COL9A3: variants seen among roughly 807,000 people sequenced by gnomAD.
COL9A3 encodes the protein collagen type IX alpha 3 chain.
In COL9A3, 82 loss-of-function variants were observed where a neutral mutation model predicts 110.2. That is an observed-to-expected ratio of 0.74 (90% CI 0.62 to 0.89). The LOEUF (loss-of-function observed/expected upper bound fraction) is 0.89. Among genes scored for constraint, COL9A3 ranks in the 40% least tolerant of loss-of-function variants. COL9A3 has a pLI of 0.00. For missense variants in COL9A3, 1,066 were observed against 981.3 expected (o/e 1.09, Z -1.15); for synonymous variants, 494 against 403.8 (o/e 1.22, Z -2.68).
chr20:62,830,022 G>C (rs1009068454), intron 22 of COL9A3, among the ~76,000 whole-genome samples: 7 of 152,178 alleles, frequency 4.6e-5, no homozygotes, highest in African/African-American at 1.4e-4. Flanking sequence ...GAGCTGCCCT[G>C]TTTTCAAGCC....
chr20:62,837,814 GA>G (rs550050313), intron 30 of COL9A3, among the ~76,000 whole-genome samples: 1,698 of 141,906 alleles, frequency 0.012, 10 homozygotes, highest in Middle Eastern at 0.062. Flanking sequence ...CTCCATAAAA[GA>G]AAAAAAAAAT....
intron 11 of COL9A3, 41 bp downstream of exon 11, chr20:62,824,542 TG>T: frequency 6.4e-7 from 1 of 1,555,346 alleles, no homozygotes. Flanking sequence ...CACCCTGTGC[TG>T]GGCAGGAGGC....
chr20:62,818,090 CAGG>C (rs1040613521), intron 2 of COL9A3, among the ~76,000 whole-genome samples: 4 of 152,106 alleles, frequency 2.6e-5, no homozygotes, highest in Non-Finnish European at 4.4e-5. Context: ...GGCCAAGCAG[CAGG>C]AGGAGGCGGC....
At chr20:62,825,911 A>G (rs2063548659) in intron 13 of COL9A3, 41 bp downstream of exon 13, 2 of 1,543,698 alleles carry the variant, frequency 1.3e-6, no homozygotes, top group Non-Finnish European at 8.8e-7. Flanking sequence ...ATGGGAACTC[A>G]GCCCACAGAG....
Position 62,825,841 on chromosome 20 carries a change from G to C in COL9A3, c.655G>C (p.Ala219Pro). 1 of 1,557,602 alleles carries C rather than the reference G, an allele frequency of 6.4e-7. No homozygotes were observed. The highest frequency in any genetic ancestry group is 8.7e-7 in the Non-Finnish European group (1 of 1,150,564). Residue 219 changes from alanine (A) to proline (P), a missense_variant, in exon 13 of 32, where the codon GCC (alanine) becomes CCC (proline). Coordinates refer to ENST00000649368, the MANE Select transcript of COL9A3 (RefSeq NM_001853.4). Reference sequence around the variant, plus strand: ...GGGTGACCCTGGCCCCCCTGGGCCCGCCGGCCTCCCGGGCAGCGTGGGGCT... The same window carrying C: ...GGGTGACCCTGGCCCCCCTGGGCCCCCCGGCCTCCCGGGCAGCGTGGGGCT... ...EKGDPGPPGP[A>P]GLPGSVGLQG...
At chr20:62,829,844 G>T in intron 22 of COL9A3, 25 bp downstream of exon 22, 1 of 1,548,702 alleles carries the variant, frequency 6.5e-7, no homozygotes, top group Non-Finnish European at 8.7e-7. Context: ...ATGGCCCGGG[G>T]TCGGGGGTTA....
In COL9A3 at chr20:62,821,821, G is replaced by A. The variant is rs774573210; in HGVS notation, c.423+11G>A. ...CTCCGCGGCCCCCCGGTGAGTGGCT[G>A]TCCCAGAGCCCCTCAGAGTGTGCTC... On this transcript the variant is annotated intron_variant, in intron 8 of 31. Transcript: ENST00000649368. The A allele has an allele frequency of 3.2e-6, 5 of 1,575,702 alleles. No homozygotes were observed. Among genetic ancestry groups the A allele is most frequent in the Non-Finnish European group, 1.7e-6 (2 of 1,148,700 alleles).
intron 6 of COL9A3, 112 bp from the exon 7 acceptor site, chr20:62,821,395 C>T (rs971764389): frequency 7.5e-6 from 11 of 1,465,956 alleles, no homozygotes; most frequent in South Asian, 6.9e-5. Flanking sequence ...GGACCAGACA[C>T]CCATCCCTGG....
rs1300789982 is a variant in COL9A3 at position 62,838,697 on chromosome 20, C to T, written c.1800C>T (p.Asp600=). 2 of 1,552,684 alleles carry T rather than the reference C, an allele frequency of 1.3e-6. No homozygotes were observed. Among genetic ancestry groups the T allele is most frequent in the Admixed American group, 3.9e-5 (2 of 51,104 alleles). ...ACCTCGTGACAGGAAACCAGGGTGA[C>T]AGAGGAGACAAAGGCGCGGCAGGAG... ...GDPGPRGNQG[D]RGDKGAAGAG... is the part of the protein sequence containing the mutation. Residue 600 remains aspartate (D), a synonymous_variant, in exon 31 of 32, where the codon GAC becomes GAT. Transcript: ENST00000649368.
At chr20:62,829,381 C>A in intron 19 of COL9A3, 74 bp from the exon 20 acceptor site, 1 of 1,584,120 alleles carries the variant, frequency 6.3e-7, no homozygotes, top group Non-Finnish European at 8.6e-7. Flanking sequence ...ACCCTGCCTG[C>A]GTGCACGCCC....
intron 20 of COL9A3, 60 bp downstream of exon 20, chr20:62,829,559 G>A (rs1234980943): frequency 6.3e-7 from 1 of 1,597,676 alleles, no homozygotes; most frequent in East Asian, 2.2e-5. Context: ...GAGGCAAGGG[G>A]CTGGGGGGCC....
upstream of COL9A3, chr20:62,816,353 A>G (rs1354697653): frequency 2.6e-5 from 4 of 152,216 alleles, no homozygotes; most frequent in African/African-American, 9.7e-5. Flanking sequence ...CAGGCCGGGG[A>G]TCCCGGGGAG....
chr20:62,838,758 C>T lies in COL9A3; in HGVS notation c.1861C>T (p.Gln621Ter), dbSNP rs1270206492. 1.2e-5 allele frequency: 19 copies of T among 1,551,476 alleles called. No homozygotes were observed. The stretch of plus-strand genomic sequence containing the variant: ...CGGGCCTGAAGGAGACCAGGGGCCC[C>T]AAGGTACGAGTCCACGGCCAGCAAG... Reference protein sequence around the residue: ...LDGPEGDQGPQGPQGVPGTSK... With the variant: ...LDGPEGDQGP Residue 621 changes from glutamine (Q) to a stop codon, truncating the protein, a stop_gained, in exon 31 of 32, where the codon CAA (glutamine) becomes TAA (stop). Coordinates refer to ENST00000649368, the MANE Select transcript of COL9A3 (RefSeq NM_001853.4). LOFTEE classifies it low-confidence loss of function (END_TRUNC).
chr20:62,840,511 A>G (rs765310900), intron 31 of COL9A3, 31 bp from the exon 32 acceptor site: 1 of 1,601,990 alleles, frequency 6.2e-7, no homozygotes, highest in Non-Finnish European at 8.5e-7. Context: ...TCCGGGCTGC[A>G]GCTGAACTCA....
intron 1 of COL9A3, 122 bp downstream of exon 1, chr20:62,817,264 G>T: frequency 1.4e-6 from 1 of 723,518 alleles, no homozygotes; most frequent in South Asian, 4.9e-5. Context: ...CCGTCGGGGC[G>T]CGGAGTCGCC....
intron 12 of COL9A3, chr20:62,825,361 G>T: frequency 3.0e-6 from 1 of 329,278 alleles, no homozygotes; most frequent in Non-Finnish European, 5.5e-6. Flanking sequence ...TGTGTCTGTG[G>T]CCGGGGCGAG....
At chr20:62,826,282 G>T in intron 14 of COL9A3, 25 bp downstream of exon 14, 1 of 1,545,054 alleles carries the variant, frequency 6.5e-7, no homozygotes, top group South Asian at 1.2e-5. Flanking sequence ...CCCTAGTGGG[G>T]GCCGGCCAGG....
Position 62,830,430 on chromosome 20 carries a change from C to T in COL9A3, c.1215+17C>T. ...GGCTTCCAGGTGGGTGAGGTTGGGG[C>T]AAGGGCCTGGCATGGGGGGCGGCAC... On this transcript the variant is annotated intron_variant, in intron 23 of 31. Coordinates refer to ENST00000649368, the MANE Select transcript of COL9A3 (RefSeq NM_001853.4). 1 of 1,565,488 alleles carries T rather than the reference C, an allele frequency of 6.4e-7. No individual in the cohort carries two copies. Among genetic ancestry groups the T allele is most frequent in the Non-Finnish European group, 8.6e-7 (1 of 1,156,582 alleles).
Position 62,824,501 on chromosome 20 carries a change from G to C in COL9A3, c.576G>C (p.Lys192Asn). 6.3e-7 allele frequency: 1 copy of C among 1,590,846 alleles called. No homozygotes were observed. Among genetic ancestry groups the C allele is most frequent in the Non-Finnish European group, 8.6e-7 (1 of 1,169,386 alleles). The change falls in exon 11 of 32, where the codon AAG becomes AAC. Residue 192 changes from lysine to asparagine, a missense_variant and splice_region_variant. Transcript: ENST00000649368. ...GGCCCCCTGGAATGCCAGGGTTCAA[G>C]GTGAGTCACGGGTGACTGGGACCCA... The part of the protein sequence containing the change: ...PPGPPGMPGF[K>N]GPTGYKGEQG...
Sources: gnomAD v4.1 joint callset for allele counts (sites outside exome capture counted in the v4.1 genomes callset) on GRCh38, gnomAD v4.1.1 for gene constraint, MANE v1.5 for transcripts, NCBI Gene and HGNC (gene_info 2026-07-23, HGNC 2026-07-21) for gene names.